Variants in ASTN2 observed in about 807,000 individuals in gnomAD.
ASTN2 encodes astrotactin-2.
Under a neutral mutation model 139.8 loss-of-function variants are expected in ASTN2, and 54 were observed. That is an observed-to-expected ratio of 0.39 (90% CI 0.31 to 0.48). ASTN2 has a LOEUF of 0.48. ASTN2 is among the 20% of genes least tolerant of loss of function. The probability of loss-of-function intolerance (pLI) is 0.95; values close to 1 mark genes in which losing one functional copy is unlikely to be tolerated. For synonymous variants in ASTN2, 756 were observed against 719.5 expected, an observed-to-expected ratio of 1.05 and a Z score of -0.81; for missense variants, 1,565 against 1,725.1, an observed-to-expected ratio of 0.91 and a Z score of 1.64.
At chr9:116,654,102 AAG>A (rs1344318958) in intron 16 of ASTN2, among the ~76,000 whole-genome samples, 2 of 152,242 alleles carry the variant, frequency 1.3e-5, no homozygotes, top group Non-Finnish European at 2.9e-5. Flanking sequence ...GGAGAAGGTC[AAG>A]AGAGAGTCAG....
intron 22 of ASTN2, among the ~76,000 whole-genome samples, chr9:116,435,166 T>G (rs1242577131): frequency 2.0e-5 from 3 of 152,180 alleles, no homozygotes; most frequent in African/African-American, 7.2e-5. Context: ...GCTTCCCAGC[T>G]GGAAGAGACT....
At chr9:116,957,869 C>T (rs1835759343) in intron 10 of ASTN2, among the ~76,000 whole-genome samples, 4 of 152,262 alleles carry the variant, frequency 2.6e-5, no homozygotes, top group Admixed American at 1.3e-4. Context: ...TTCACTGAGA[C>T]GGGGTTTCAC....
At chr9:116,768,328 A>G (rs1170228453) in intron 13 of ASTN2, among the ~76,000 whole-genome samples, 2 of 151,604 alleles carry the variant, frequency 1.3e-5, no homozygotes, top group Non-Finnish European at 2.9e-5. Flanking sequence ...TCTTTCTCTT[A>G]CTCTTAGGTG....
chr9:117,093,866 A>G (rs2132749688), intron 5 of ASTN2, among the ~76,000 whole-genome samples: 1 of 152,266 alleles, frequency 6.6e-6, no homozygotes. Flanking sequence ...AGGGTAATTC[A>G]TGCTCACTGA....
At chr9:117,040,162 G>A (rs1931302) in intron 5 of ASTN2, among the ~76,000 whole-genome samples, 197 bp from the exon 6 acceptor site, 30,874 of 152,142 alleles carry the variant, frequency 0.2, 3,476 homozygotes, top group Admixed American at 0.26. Context: ...TTAACACTCC[G>A]CAAAATGGGC....
chr9:116,890,479 T>A (rs913960405), intron 10 of ASTN2, among the ~76,000 whole-genome samples: 1 of 152,204 alleles, frequency 6.6e-6, no homozygotes, highest in African/African-American at 2.4e-5. Flanking sequence ...CTCAGGTCCA[T>A]GCACAAAACC....
At chr9:116,451,425 T>A (rs945405448) in intron 20 of ASTN2, among the ~76,000 whole-genome samples, 1 of 151,596 alleles carries the variant, frequency 6.6e-6, no homozygotes, top group Non-Finnish European at 1.5e-5. Context: ...TGCTGGGCAT[T>A]CTGCTAAGCA....
chr9:117,106,671 C>T (rs191787022), intron 4 of ASTN2, among the ~76,000 whole-genome samples: 1 of 152,292 alleles, frequency 6.6e-6, no homozygotes, highest in East Asian at 1.9e-4. Flanking sequence ...ACTGACTTCT[C>T]TTACTTTGAG....
At chr9:116,916,941 A>C (rs1380069966) in intron 10 of ASTN2, among the ~76,000 whole-genome samples, 1 of 152,196 alleles carries the variant, frequency 6.6e-6, no homozygotes, top group Non-Finnish European at 1.5e-5. Flanking sequence ...ATAAGAGTTT[A>C]AGAAATGTTA....
At chr9:117,014,343 A>G (rs1198633547) in intron 6 of ASTN2, among the ~76,000 whole-genome samples, 1 of 152,162 alleles carries the variant, frequency 6.6e-6, no homozygotes, top group African/African-American at 2.4e-5. Flanking sequence ...ATGTGGTTAA[A>G]AACAAGCTTG....
intron 19 of ASTN2, among the ~76,000 whole-genome samples, chr9:116,594,062 C>G (rs1222818216): frequency 6.6e-6 from 1 of 152,232 alleles, no homozygotes; most frequent in South Asian, 2.1e-4. Context: ...CGTGGGACCT[C>G]TCTCAGCTCA....
chr9:116,728,171 A>C (rs1471194494), intron 15 of ASTN2, among the ~76,000 whole-genome samples: 1 of 152,160 alleles, frequency 6.6e-6, no homozygotes, highest in Admixed American at 6.5e-5. Flanking sequence ...ATGAGCACCA[A>C]CAACGTGCTA....
chr9:116,460,758 T>C (rs1848462917), intron 20 of ASTN2, among the ~76,000 whole-genome samples: 1 of 152,106 alleles, frequency 6.6e-6, no homozygotes, highest in African/African-American at 2.4e-5. Flanking sequence ...CTTGCAGGCT[T>C]GTGACACTGG....
intron 6 of ASTN2, among the ~76,000 whole-genome samples, chr9:117,022,018 T>A (rs1376809247): frequency 6.6e-6 from 1 of 152,132 alleles, no homozygotes; most frequent in Non-Finnish European, 1.5e-5. Flanking sequence ...CATATTAGCT[T>A]TGGATATAGC....
intron 1 of ASTN2, among the ~76,000 whole-genome samples, chr9:117,380,155 C>T (rs964651108): frequency 7.2e-5 from 11 of 152,230 alleles, no homozygotes; most frequent in South Asian, 2.1e-4. Flanking sequence ...GGCAAGGCAC[C>T]GTGCTGGAAT....
At chr9:117,135,700 G>A (rs1286623834) in intron 4 of ASTN2, among the ~76,000 whole-genome samples, 2 of 152,200 alleles carry the variant, frequency 1.3e-5, no homozygotes, top group East Asian at 3.9e-4. Flanking sequence ...AGAGAAAAGA[G>A]TGGCTTGCTG....
At chr9:117,180,627 C>CTT (rs372662181) in intron 3 of ASTN2, 16,997 of 933,026 alleles carry the variant, frequency 0.018, 25 homozygotes, top group South Asian at 0.027. Context: ...TCTGGAGTAT[C>CTT]TTTTTTTTTT....
At chr9:117,241,355 T>C (rs896247292) in intron 2 of ASTN2, among the ~76,000 whole-genome samples, 7 of 152,158 alleles carry the variant, frequency 4.6e-5, no homozygotes, top group African/African-American at 1.7e-4. Flanking sequence ...TTGACATTTA[T>C]ATCAGTGCAA....
At chr9:117,262,853 GAGA>G (rs1014464480) in intron 2 of ASTN2, among the ~76,000 whole-genome samples, 16 of 152,210 alleles carry the variant, frequency 1.1e-4, no homozygotes, top group East Asian at 9.6e-4. Context: ...GTTGTGGTGT[GAGA>G]AGAACTCGAC....
Sources: gnomAD v4.1 joint callset for allele counts (sites outside exome capture counted in the v4.1 genomes callset) on GRCh38, gnomAD v4.1.1 for gene constraint, MANE v1.5 for transcripts, NCBI Gene and HGNC (gene_info 2026-07-23, HGNC 2026-07-21) for gene names.